PARD3B: variants seen among roughly 807,000 people sequenced by gnomAD.
PARD3B encodes the protein par-3 family cell polarity regulator beta, also known as partitioning defective 3 homolog B.
PARD3B carries 103 observed loss-of-function variants against 130.2 expected under a neutral mutation model. The observed-to-expected ratio is 0.79, with a 90% confidence interval of 0.67 to 0.93. The LOEUF (loss-of-function observed/expected upper bound fraction) is 0.93, where lower values mean the gene tolerates loss of function less well. Ranked by LOEUF, PARD3B falls within the 40% of genes least tolerant of loss-of-function variation. PARD3B has a pLI of 0.00. For synonymous variants in PARD3B, 583 were observed against 553.2 expected, an observed-to-expected ratio of 1.05 and a Z score of -0.76; for missense variants, 1,609 against 1,499.2, an observed-to-expected ratio of 1.07 and a Z score of -1.21.
chr2:204,942,634 A>T (rs1287298670), intron 2 of PARD3B, among the ~76,000 whole-genome samples: 1 of 152,178 alleles, frequency 6.6e-6, no homozygotes, highest in Non-Finnish European at 1.5e-5. Context: ...AAAAAAAAAA[A>T]AGACAAGTAG....
chr2:204,811,340 C>T (rs1010813452), intron 2 of PARD3B, among the ~76,000 whole-genome samples: 1 of 152,116 alleles, frequency 6.6e-6, no homozygotes. Context: ...TTAGTATAAA[C>T]TGCCCATTTT....
intron 2 of PARD3B, among the ~76,000 whole-genome samples, chr2:204,709,808 G>T: frequency 6.6e-6 from 1 of 152,156 alleles, no homozygotes; most frequent in East Asian, 1.9e-4. Context: ...ATCACACTTT[G>T]CATGCTCAGA....
chr2:204,974,211 G>T (rs547949953), intron 3 of PARD3B, among the ~76,000 whole-genome samples: 1 of 152,224 alleles, frequency 6.6e-6, no homozygotes, highest in African/African-American at 2.4e-5. Context: ...GGGGGTTTTG[G>T]TGTGTAAAAT....
chr2:205,506,831 C>G (rs1225623918), intron 21 of PARD3B, among the ~76,000 whole-genome samples: 3 of 152,146 alleles, frequency 2.0e-5, no homozygotes, highest in African/African-American at 7.2e-5. Flanking sequence ...AGAACAGAGA[C>G]CTAAATCAAA....
chr2:204,984,213 A>C (rs1692930643), intron 3 of PARD3B, among the ~76,000 whole-genome samples: 1 of 152,126 alleles, frequency 6.6e-6, no homozygotes, highest in Non-Finnish European at 1.5e-5. Flanking sequence ...ATTTCTCTTT[A>C]AAAGGTCTCA....
chr2:205,247,886 T>C (rs1472944623), intron 16 of PARD3B, among the ~76,000 whole-genome samples: 1 of 152,156 alleles, frequency 6.6e-6, no homozygotes, highest in East Asian at 1.9e-4. Flanking sequence ...GTTCAAAATT[T>C]ATGTACTCTA....
intron 2 of PARD3B, among the ~76,000 whole-genome samples, chr2:204,709,580 A>G (rs1166151888): frequency 1.3e-5 from 2 of 152,196 alleles, no homozygotes; most frequent in African/African-American, 4.8e-5. Flanking sequence ...GCTGTTGAAC[A>G]CAGTGGACCA....
At chr2:204,700,886 A>G (rs13417497) in intron 2 of PARD3B, among the ~76,000 whole-genome samples, 2,581 of 152,136 alleles carry the variant, frequency 0.017, 58 homozygotes, top group African/African-American at 0.059. Context: ...TAAACCCAAC[A>G]CTACTAAAAA....
rs1171833828 is a variant in PARD3B at position 205,015,949 on chromosome 2, A to G, written c.395-31632A>G. Among the ~76,000 whole-genome samples, 1 of 152,134 alleles carries G rather than the reference A, an allele frequency of 6.6e-6. No individual in the cohort carries two copies. Among genetic ancestry groups the G allele is most frequent in the Non-Finnish European group, 1.5e-5 (1 of 68,012 alleles). On this transcript the variant is annotated intron_variant, in intron 3 of 22. Transcript: ENST00000406610. The surrounding 1 kb of genome is among the most constrained non-coding windows in gnomAD (Gnocchi z 4.5). ...CCGTTTCTGCACTCCACCTGAGGCC[A>G]CCACTCCCAACAGTTACACTGAAGT...
chr2:204,754,846 G>T (rs1222684617), intron 2 of PARD3B, among the ~76,000 whole-genome samples: 1 of 152,054 alleles, frequency 6.6e-6, no homozygotes, highest in Admixed American at 6.6e-5. Flanking sequence ...AATCTATGGG[G>T]CTATGTGATT....
At chr2:205,245,532 A>G (rs1286124985) in intron 15 of PARD3B, among the ~76,000 whole-genome samples, 1 of 152,220 alleles carries the variant, frequency 6.6e-6, no homozygotes, top group Non-Finnish European at 1.5e-5. Flanking sequence ...GAAAGTATTG[A>G]AAATTATGAG....
intron 21 of PARD3B, among the ~76,000 whole-genome samples, chr2:205,509,135 T>C (rs1213102046): frequency 6.6e-6 from 1 of 152,108 alleles, no homozygotes; most frequent in Non-Finnish European, 1.5e-5. Flanking sequence ...GCAACATGTT[T>C]ACAGGCAGTC....
chr2:205,584,670 T>C lies in PARD3B; in HGVS notation c.3261-30786T>C, dbSNP rs2054129182. On this transcript the variant is annotated intron_variant, in intron 22 of 22. Coordinates refer to ENST00000406610, the MANE Select transcript of PARD3B (RefSeq NM_001302769.2). The surrounding 1 kb of genome is among the most constrained non-coding windows in gnomAD (Gnocchi z 5.5). ...TGTAGCCTGGGCAACAGAGCAAAAC[T>C]CCATCTCAAAAATAAATAAATAAAA... 1.3e-5 allele frequency among the ~76,000 whole-genome samples: 2 copies of C among 151,880 alleles called. No individual in the cohort carries two copies. Among genetic ancestry groups the C allele is most frequent in the Non-Finnish European group, 2.9e-5 (2 of 67,988 alleles).
intron 21 of PARD3B, among the ~76,000 whole-genome samples, chr2:205,518,840 C>T (rs1384685433): frequency 1.3e-5 from 2 of 152,104 alleles, no homozygotes; most frequent in East Asian, 1.9e-4. Flanking sequence ...GCTTAGGAAC[C>T]TTAGTTTAGT....
At chr2:205,134,388 G>A (rs2032293552) in intron 10 of PARD3B, among the ~76,000 whole-genome samples, 1 of 151,580 alleles carries the variant, frequency 6.6e-6, no homozygotes, top group African/African-American at 2.4e-5. Context: ...GCCAGGCATG[G>A]TGGCACACAC....
intron 16 of PARD3B, among the ~76,000 whole-genome samples, chr2:205,279,070 C>CAAAA (rs57717513): frequency 0.53 from 20,634 of 38,772 alleles, 7,899 homozygotes; most frequent in East Asian, 0.67. Flanking sequence ...GAATCTGTCT[C>CAAAA]AAAAAAAAAA....
At chr2:204,802,927 G>A (rs778188964) in intron 2 of PARD3B, among the ~76,000 whole-genome samples, 2 of 151,538 alleles carry the variant, frequency 1.3e-5, no homozygotes, top group African/African-American at 2.4e-5. Flanking sequence ...ACCATGGCAC[G>A]TTTTTACCTA....
rs79087046 is a variant in PARD3B at position 205,071,661 on chromosome 2, CAA to C, written c.504+23973_504+23974del. ...GTACAGACAACAAAAGATGTACCAT[CAA>C]AGCATTAACATGTAAAGTCATTTGA... On this transcript the variant is annotated intron_variant, in intron 4 of 22. Transcript: ENST00000406610. Among the ~76,000 whole-genome samples, 464 of 152,226 alleles carry C rather than the reference CAA, an allele frequency of 3.0e-3. 17 individuals are homozygous for C. In the East Asian group the frequency reaches 0.075, roughly 25 times the overall value.
chr2:205,106,682 G>A (rs1431081057), intron 5 of PARD3B, among the ~76,000 whole-genome samples: 2 of 152,042 alleles, frequency 1.3e-5, no homozygotes, highest in Non-Finnish European at 2.9e-5. Flanking sequence ...AAACATTCCT[G>A]TTGCGTGTAC....
Sources: gnomAD v4.1 joint callset for allele counts (sites outside exome capture counted in the v4.1 genomes callset) on GRCh38, gnomAD v4.1.1 for gene constraint, Gnocchi (gnomAD v3.1) non-coding constraint, MANE v1.5 for transcripts, NCBI Gene and HGNC (gene_info 2026-07-23, HGNC 2026-07-21) for gene names.